Variants in NAALADL2 observed in about 807,000 individuals in gnomAD.
NAALADL2 encodes N-acetylated alpha-linked acidic dipeptidase like 2.
A neutral mutation model predicts 87.2 loss-of-function variants in NAALADL2; 76 were observed. The ratio of observed to expected loss-of-function variants is 0.87; its 90% CI spans 0.72 to 1.05. The LOEUF is 1.05. Ranked by LOEUF, NAALADL2 falls within the 50% of genes least tolerant of loss-of-function variation. The probability of loss-of-function intolerance (pLI) is 0.00; values close to 1 mark genes in which losing one functional copy is unlikely to be tolerated. For missense variants in NAALADL2, 1,089 were observed against 945.8 expected (o/e 1.15, Z -1.99); for synonymous variants, 354 against 331.0 (o/e 1.07, Z -0.75).
intron 2 of NAALADL2, among the ~76,000 whole-genome samples, chr3:174,565,893 TC>T (rs1349081012): frequency 6.6e-6 from 1 of 152,036 alleles, no homozygotes; most frequent in African/African-American, 2.4e-5. Flanking sequence ...ATCAGACATT[TC>T]CTTTTGTATA....
At chr3:175,646,769 C>G (rs1730064933) in intron 11 of NAALADL2, among the ~76,000 whole-genome samples, 1 of 152,096 alleles carries the variant, frequency 6.6e-6, no homozygotes, top group African/African-American at 2.4e-5. Context: ...AGACTGACCA[C>G]TTAATGAGGT....
intron 3 of NAALADL2, among the ~76,000 whole-genome samples, chr3:174,813,382 C>T (rs1370685401): frequency 2.4e-5 from 2 of 82,842 alleles, no homozygotes; most frequent in Non-Finnish European, 5.0e-5. Flanking sequence ...TTTTTTAATA[C>T]TCTATTTTTA....
At chr3:174,555,687 G>A (rs943878837) in intron 2 of NAALADL2, among the ~76,000 whole-genome samples, 10 of 152,166 alleles carry the variant, frequency 6.6e-5, no homozygotes, top group Non-Finnish European at 1.3e-4. Flanking sequence ...GGGAGGAACT[G>A]AGCAAGACCT....
chr3:174,519,623 G>A (rs558662171), intron 1 of NAALADL2, among the ~76,000 whole-genome samples: 3 of 151,848 alleles, frequency 2.0e-5, no homozygotes, highest in Admixed American at 6.6e-5. Context: ...GAGCCACTAC[G>A]CCTGGCCAGG....
intron 1 of NAALADL2, among the ~76,000 whole-genome samples, chr3:174,903,877 T>C (rs1553888267): frequency 6.6e-6 from 1 of 151,778 alleles, no homozygotes; most frequent in African/African-American, 2.4e-5. Context: ...TGTACTTTTT[T>C]ATAAATATGT....
intron 1 of NAALADL2, among the ~76,000 whole-genome samples, chr3:174,505,029 T>C (rs4626083): frequency 0.08 from 12,142 of 152,180 alleles, 1,183 homozygotes; most frequent in East Asian, 0.42. Context: ...ACTCTCGAAA[T>C]AGAATGCAGC....
intron 1 of NAALADL2, among the ~76,000 whole-genome samples, chr3:174,923,273 A>G (rs1735499551): frequency 6.6e-6 from 1 of 152,218 alleles, no homozygotes; most frequent in African/African-American, 2.4e-5. Context: ...AGTTGAAATA[A>G]CTAGAACAAC....
At chr3:175,664,501 C>G (rs151177730) in intron 11 of NAALADL2, among the ~76,000 whole-genome samples, 1 of 152,208 alleles carries the variant, frequency 6.6e-6, no homozygotes, top group African/African-American at 2.4e-5. Flanking sequence ...CTTTATTAAT[C>G]TTCAGTATCT....
At chr3:174,561,943 A>G (rs754138227) in intron 2 of NAALADL2, among the ~76,000 whole-genome samples, 7 of 152,198 alleles carry the variant, frequency 4.6e-5, no homozygotes, top group Non-Finnish European at 7.4e-5. Context: ...TTCTTTGTCA[A>G]TTCTGGAAAA....
intron 1 of NAALADL2, among the ~76,000 whole-genome samples, chr3:174,947,303 A>G (rs1466147331): frequency 2.0e-5 from 3 of 152,022 alleles, no homozygotes; most frequent in African/African-American, 7.2e-5. Flanking sequence ...TTTGCACAAG[A>G]TTACATGTTC....
At chr3:174,554,617 G>A (rs180912601) in intron 2 of NAALADL2, among the ~76,000 whole-genome samples, 1 of 151,640 alleles carries the variant, frequency 6.6e-6, no homozygotes, top group African/African-American at 2.4e-5. Context: ...TAATTTCATA[G>A]AAATAGTACT....
At chr3:175,728,659 C>A (rs1298333955) in intron 11 of NAALADL2, among the ~76,000 whole-genome samples, 2 of 152,128 alleles carry the variant, frequency 1.3e-5, no homozygotes, top group African/African-American at 4.8e-5. Flanking sequence ...ACATAACAGC[C>A]TGAAGGACAC....
At chr3:175,169,763 A>G (rs1214586106) in intron 2 of NAALADL2, among the ~76,000 whole-genome samples, 2 of 151,890 alleles carry the variant, frequency 1.3e-5, no homozygotes, top group South Asian at 2.1e-4. Context: ...GATGATAGCT[A>G]TTTTGTTGGA....
chr3:175,681,389 T>G (rs1244371003), intron 11 of NAALADL2, among the ~76,000 whole-genome samples: 3 of 152,162 alleles, frequency 2.0e-5, no homozygotes. Flanking sequence ...TTCTTCATGG[T>G]ATCTCTAATT....
At chr3:175,113,211 G>A (rs1479995274) in intron 2 of NAALADL2, among the ~76,000 whole-genome samples, 1 of 151,522 alleles carries the variant, frequency 6.6e-6, no homozygotes, top group Non-Finnish European at 1.5e-5. Flanking sequence ...ATAGATTAGA[G>A]AATAAAAACA....
intron 1 of NAALADL2, among the ~76,000 whole-genome samples, chr3:174,463,232 C>A (rs1716316983): frequency 6.6e-6 from 1 of 152,164 alleles, no homozygotes; most frequent in South Asian, 2.1e-4. Context: ...ACCAGCAGGA[C>A]TGCTTATGGT....
intron 3 of NAALADL2, among the ~76,000 whole-genome samples, chr3:175,243,070 A>AAC (rs145805880): frequency 0.45 from 66,623 of 146,852 alleles, 14,976 homozygotes; most frequent in Admixed American, 0.57. Context: ...TCCTTTCCAT[A>AAC]ACACACACAC....
intron 11 of NAALADL2, among the ~76,000 whole-genome samples, chr3:175,648,490 T>C (rs1057452109): frequency 4.7e-5 from 7 of 148,794 alleles, no homozygotes; most frequent in Non-Finnish European, 7.4e-5. Flanking sequence ...TCAGACAATT[T>C]TCTTTTTTTT....
rs1009907852 is a variant in NAALADL2, at chr3:175,409,147, A to T, written c.1091-38082A>T. On this transcript the variant is annotated intron_variant, in intron 5 of 13. Transcript: ENST00000454872. ...ATGAACTCTAGGTGTTTCCTTTTCT[A>T]TGTATTCTGAATATCAACCTTATAT... 4.6e-5 allele frequency among the ~76,000 whole-genome samples: 7 copies of T among 151,718 alleles called. 1 individual carries two copies. Among genetic ancestry groups the T allele is most frequent in the Non-Finnish European group, 1.5e-5 (1 of 67,802 alleles).
Sources: allele counts gnomAD v4.1 joint callset (sites outside exome capture counted in the v4.1 genomes callset), GRCh38; gene constraint gnomAD v4.1.1; transcripts MANE v1.5; gene names NCBI Gene and HGNC (gene_info 2026-07-23, HGNC 2026-07-21).